Variants in UBR1 observed in about 807,000 individuals in gnomAD.
UBR1 encodes the protein ubiquitin protein ligase E3 component n-recognin 1.
In UBR1, 102 loss-of-function variants were observed where a neutral mutation model predicts 242.1. The observed-to-expected ratio is 0.42, with a 90% CI of 0.36 to 0.50. UBR1 has a LOEUF of 0.50. Among genes scored for constraint, UBR1 ranks in the 20% least tolerant of loss-of-function variants. UBR1 has a pLI of 0.01. For missense variants in UBR1, 1,772 were observed against 2,101.8 expected, an observed-to-expected ratio of 0.84 and a Z score of 3.07; for synonymous variants, 675 against 684.8, an observed-to-expected ratio of 0.99 and a Z score of 0.22.
At chr15:43,010,817 A>G (rs8042670) in intron 29 of UBR1, among the ~76,000 whole-genome samples, 5 of 134,850 alleles carry the variant, frequency 3.7e-5, no homozygotes, top group Non-Finnish European at 6.4e-5. Flanking sequence ...TACTAAAAAT[A>G]CAAAAAAAAA....
chr15:43,097,525 T>C (rs1357486389), intron 1 of UBR1, among the ~76,000 whole-genome samples: 1 of 152,246 alleles, frequency 6.6e-6, no homozygotes, highest in Non-Finnish European at 1.5e-5. Flanking sequence ...CAGAAGGCTG[T>C]TTCGTTTACA....
At chr15:43,052,070 A>C (rs900961408) in intron 12 of UBR1, among the ~76,000 whole-genome samples, 2 of 152,224 alleles carry the variant, frequency 1.3e-5, no homozygotes, top group Non-Finnish European at 2.9e-5. Flanking sequence ...AAATAGACAT[A>C]AATTTTTTAG....
chr15:43,076,562 T>C (rs1478529257), intron 3 of UBR1, among the ~76,000 whole-genome samples: 1 of 147,048 alleles, frequency 6.8e-6, no homozygotes, highest in East Asian at 2.0e-4. Context: ...CGCCGCCCTG[T>C]CTGGGATGTG....
intron 42 of UBR1, among the ~76,000 whole-genome samples, chr15:42,961,423 CTT>C (rs766721149): frequency 2.8e-4 from 37 of 131,842 alleles, no homozygotes; most frequent in Admixed American, 3.1e-4. Context: ...CTATGTTCCT[CTT>C]TTTTTTTTTT....
chr15:43,048,391 C>A lies in UBR1; in HGVS notation c.1539+1G>T. 2 of 1,608,246 alleles carry A rather than the reference C, an allele frequency of 1.2e-6. No individual in the cohort carries two copies. The highest frequency in any genetic ancestry group is 8.5e-7 in the Non-Finnish European group (1 of 1,175,950). On this transcript the variant is annotated splice_donor_variant, in intron 13 of 46. Coordinates refer to ENST00000290650, the MANE Select transcript of UBR1 (RefSeq NM_174916.3). LOFTEE classifies it high-confidence loss of function. ...ACTGATGTACAGAAAAATGATCATA[C>A]CTGCATACAGGTAAGAATCTTCAAA...
At chr15:43,057,124 T>C (rs2033628606) in intron 10 of UBR1, among the ~76,000 whole-genome samples, 1 of 152,040 alleles carries the variant, frequency 6.6e-6, no homozygotes, top group Non-Finnish European at 1.5e-5. Context: ...ATCATCTAAG[T>C]AGGGAGATTA....
At chr15:43,105,805 C>T in intron 1 of UBR1, 137 bp downstream of exon 1, 1 of 788,702 alleles carries the variant, frequency 1.3e-6, no homozygotes. Flanking sequence ...ACTTTTTATT[C>T]GGTGGCTTCC....
rs532796256 is a variant in UBR1, at chr15:43,081,980, T to A, written c.417+658A>T. ...AAAATATGGTTAAATATTATATACA[T>A]AATATGTTCTTAAAAAAGCACAATG... On this transcript the variant is annotated intron_variant, in intron 3 of 46. Coordinates refer to ENST00000290650, the MANE Select transcript of UBR1 (RefSeq NM_174916.3). 5.3e-5 allele frequency among the ~76,000 whole-genome samples: 8 copies of A among 152,162 alleles called. No individual in the cohort carries two copies. The South Asian group carries it at 1.7e-3, about 31-fold the overall frequency.
In UBR1 at chr15:43,015,715, T is replaced by C. The variant is rs773055777; in HGVS notation, c.3182A>G (p.Lys1061Arg). The change falls in exon 29 of 47, where the codon AAA becomes AGA. Residue 1061 changes from lysine (K) to arginine (R), a missense_variant. Transcript: ENST00000290650. ...CTCTTCCTCCATAATGGAATCTTCT[T>C]TCCCAGGCATTTCTGATGTATTGTC... The part of the protein sequence containing the change: ...MYDNTSEMPG[K>R]EDSIMEEEST... The C allele has an allele frequency of 1.2e-6, 2 of 1,614,130 alleles. No homozygotes were observed. Among genetic ancestry groups the C allele is most frequent in the South Asian group, 1.1e-5 (1 of 91,082 alleles).
intron 32 of UBR1, among the ~76,000 whole-genome samples, chr15:43,000,400 TA>T (rs1356574138): frequency 6.6e-6 from 1 of 152,234 alleles, no homozygotes; most frequent in Non-Finnish European, 1.5e-5. Context: ...AAGAAGTAGC[TA>T]AATATTCTGT....
rs1236725552 is a variant in UBR1, at chr15:42,943,259, G to A, written c.*2070C>T. On this transcript the variant is annotated 3_prime_UTR_variant, in exon 47 of 47. Coordinates refer to ENST00000290650, the MANE Select transcript of UBR1 (RefSeq NM_174916.3). ...AAAAACACAGTTCTGGAGCCATCCT[G>A]TTGAACCAGTGCCTTCACATACTAC... 1 of 152,616 alleles carries A rather than the reference G, an allele frequency of 6.6e-6. No individual in the cohort carries two copies. The highest frequency in any genetic ancestry group is 1.5e-5 in the Non-Finnish European group (1 of 68,038). The allele number at this position is 152,616 out of a possible 1,614,324, so 9.5% of individuals were successfully genotyped here. A position where few individuals can be genotyped will look rare whatever the true frequency, so the allele number is the denominator to read the frequency against.
In UBR1 at chr15:42,989,609, G is replaced by A. The variant is rs141882244; in HGVS notation, c.3848+421C>T. Among the ~76,000 whole-genome samples, 194 of 152,276 alleles carry A rather than the reference G, an allele frequency of 1.3e-3. 2 individuals carry two copies. Among genetic ancestry groups the A allele is most frequent in the African/African-American group, 4.1e-3 (170 of 41,574 alleles). On this transcript the variant is annotated intron_variant, in intron 34 of 46. Coordinates refer to ENST00000290650, the MANE Select transcript of UBR1 (RefSeq NM_174916.3). ...ATAACCTAATGAGGCAGGATAGAAGGCCATTGCCTCAATTTTACATGCAAG... is the reference window on the plus strand; with the variant it reads ...ATAACCTAATGAGGCAGGATAGAAGACCATTGCCTCAATTTTACATGCAAG...
intron 32 of UBR1, among the ~76,000 whole-genome samples, chr15:42,998,937 C>CTTTTTTTT (rs35098054): frequency 2.5e-5 from 3 of 121,270 alleles, no homozygotes; most frequent in Non-Finnish European, 3.3e-5. Flanking sequence ...GGAGCCTTTG[C>CTTTTTTTT]TTTTTTTTTT....
chr15:42,966,162 G>A lies in UBR1; in HGVS notation c.4582C>T (p.Leu1528=). ...YLLGVTPPEE[L]HTNSAEGEYS... is the part of the protein sequence containing the mutation. ...TCATTTTTCTACTTACTGGTATGCA[G>A]TTCCTCAGGCGGAGTTACCCCAAGT... Residue 1528 remains leucine (L), a synonymous_variant, in exon 41 of 47, where the codon CTG becomes TTG. Transcript: ENST00000290650. The A allele has an allele frequency of 6.2e-7, 1 of 1,614,120 alleles. No individual in the cohort carries two copies. Among genetic ancestry groups the A allele is most frequent in the Non-Finnish European group, 8.5e-7 (1 of 1,180,028 alleles).
chr15:42,948,104 A>G (rs2141247049), intron 46 of UBR1, among the ~76,000 whole-genome samples: 1 of 152,358 alleles, frequency 6.6e-6, no homozygotes, highest in East Asian at 1.9e-4. Flanking sequence ...TCAATGGAAC[A>G]GAACAGAGCC....
rs371146753 is a variant in UBR1, at chr15:43,017,202, G to A, written c.2941-21C>T. 195 of 1,563,144 alleles carry A rather than the reference G, an allele frequency of 1.2e-4. No homozygotes were observed. The East Asian group carries it at 1.4e-3, about 11-fold the overall frequency. ...AACATCTGTGAAAAACAGATGAAACGTTAAAAGAGTTAGTTAGACTGTTAG... is the reference window on the plus strand; with the variant it reads ...AACATCTGTGAAAAACAGATGAAACATTAAAAGAGTTAGTTAGACTGTTAG... On this transcript the variant is annotated intron_variant, in intron 27 of 46. Transcript: ENST00000290650.
intron 6 of UBR1, among the ~76,000 whole-genome samples, chr15:43,063,139 C>A (rs1336337534): frequency 6.6e-6 from 1 of 152,116 alleles, no homozygotes; most frequent in East Asian, 1.9e-4. Context: ...TTGCAATCAC[C>A]ATCACCTTAT....
intron 14 of UBR1, among the ~76,000 whole-genome samples, chr15:43,044,003 T>A (rs1303991236): frequency 6.6e-6 from 1 of 152,044 alleles, no homozygotes; most frequent in Non-Finnish European, 1.5e-5. Context: ...CCTAAAAGAA[T>A]ATGCATAATT....
At chr15:42,976,977 G>GT (rs2032301135) in intron 38 of UBR1, 110 bp from the exon 39 acceptor site, 4 of 1,214,676 alleles carry the variant, frequency 3.3e-6, no homozygotes, top group African/African-American at 1.5e-5. Flanking sequence ...TTGTGTGTGT[G>GT]TTTTTTAATA....
Sources: allele counts gnomAD v4.1 joint callset (sites outside exome capture counted in the v4.1 genomes callset), GRCh38; gene constraint gnomAD v4.1.1; transcripts MANE v1.5; gene names NCBI Gene and HGNC (gene_info 2026-07-23, HGNC 2026-07-21).